The following NR1I2 variants were observed in gnomAD, a reference collection of about 807,000 sequenced individuals.
The protein encoded by NR1I2 is nuclear receptor subfamily 1 group I member 2, also known as orphan nuclear receptor PAR1.
NR1I2 carries 42 observed loss-of-function variants against 43.3 expected under a neutral mutation model. The observed-to-expected ratio is 0.97, with a 90% CI of 0.76 to 1.26. The LOEUF (loss-of-function observed/expected upper bound fraction) is 1.26, where lower values mean the gene tolerates loss of function less well. Among genes scored for constraint, NR1I2 ranks in the 50% most tolerant of loss-of-function variants. The probability of loss-of-function intolerance (pLI) is 0.00; values close to 1 mark genes in which losing one functional copy is unlikely to be tolerated. For missense variants in NR1I2, 559 were observed against 566.7 expected (o/e 0.99, Z 0.14); for synonymous variants, 229 against 215.0 (o/e 1.06, Z -0.57).
At chr3:119,798,619 G>A (rs72554014) in intron 1 of NR1I2, among the ~76,000 whole-genome samples, 10,249 of 129,118 alleles carry the variant, frequency 0.079, 799 homozygotes, top group African/African-American at 0.21. Context: ...CAGCCTGGGC[G>A]ACAAAGAGAG....
intron 1 of NR1I2, among the ~76,000 whole-genome samples, chr3:119,794,561 T>A (rs922316484): frequency 1.3e-5 from 2 of 149,194 alleles, no homozygotes; most frequent in Non-Finnish European, 3.0e-5. Flanking sequence ...CTCCTCACAA[T>A]TGATCCTTCC....
rs2055357469 is a variant in NR1I2, at chr3:119,818,273, C to T, written c.*1061C>T. 2 of 985,364 alleles carry T rather than the reference C, an allele frequency of 2.0e-6. No homozygotes were observed. The highest frequency in any genetic ancestry group is 4.7e-5 in the South Asian group (1 of 21,282). 61.0% of individuals were successfully genotyped at this position (985,364 alleles called of 1,614,324 possible). A position where few individuals can be genotyped will look rare whatever the true frequency, so the allele number is the denominator to read the frequency against. On this transcript the variant is annotated 3_prime_UTR_variant, in exon 9 of 9. Coordinates refer to ENST00000393716, the MANE Select transcript of NR1I2 (RefSeq NM_003889.4). ...CCGGAGAAGAACCATTTACATGCACCTTATATTTCTGTGTACACATCTATT... is the reference window on the plus strand; with the variant it reads ...CCGGAGAAGAACCATTTACATGCACTTTATATTTCTGTGTACACATCTATT...
chr3:119,814,352 C>T (rs1320382500), intron 5 of NR1I2, among the ~76,000 whole-genome samples: 1 of 152,190 alleles, frequency 6.6e-6, no homozygotes, highest in African/African-American at 2.4e-5. Context: ...AAGCCGCCTC[C>T]ATGGTTAGGC....
chr3:119,791,265 T>C (rs897368921), intron 1 of NR1I2, among the ~76,000 whole-genome samples: 2 of 152,176 alleles, frequency 1.3e-5, no homozygotes, highest in Non-Finnish European at 2.9e-5. Context: ...GGACCTTTGC[T>C]TGGGCACCAG....
At chr3:119,809,553 G>T (rs1211342408) in intron 2 of NR1I2, among the ~76,000 whole-genome samples, 1 of 130,582 alleles carries the variant, frequency 7.7e-6, no homozygotes, top group Non-Finnish European at 1.6e-5. Context: ...GGGGTGGGGG[G>T]AAGGCGGGGG....
chr3:119,792,736 G>A (rs752782401), intron 1 of NR1I2, among the ~76,000 whole-genome samples: 1 of 152,080 alleles, frequency 6.6e-6, no homozygotes, highest in South Asian at 2.1e-4. Flanking sequence ...TTAGCTGGAC[G>A]TGGTGGCATG....
intron 7 of NR1I2, 49 bp downstream of exon 7, chr3:119,815,488 C>A: frequency 6.8e-7 from 1 of 1,467,628 alleles, no homozygotes; most frequent in East Asian, 2.3e-5. Context: ...CCTTATCTGC[C>A]CTCCCCAGGG....
At chr3:119,799,742 G>A (rs2055051029) in intron 1 of NR1I2, among the ~76,000 whole-genome samples, 1 of 152,170 alleles carries the variant, frequency 6.6e-6, no homozygotes, top group African/African-American at 2.4e-5. Flanking sequence ...CATTTTGGGA[G>A]GCTGAGGGGC....
At chr3:119,801,928 G>C (rs2055087317) in intron 1 of NR1I2, among the ~76,000 whole-genome samples, 1 of 152,210 alleles carries the variant, frequency 6.6e-6, no homozygotes, top group African/African-American at 2.4e-5. Flanking sequence ...GTCTCTTTGG[G>C]TGGTCACTGA....
intron 1 of NR1I2, among the ~76,000 whole-genome samples, chr3:119,804,704 C>T (rs1286491628): frequency 1.3e-5 from 2 of 152,036 alleles, no homozygotes; most frequent in African/African-American, 4.8e-5. Flanking sequence ...CCTCTGCCTC[C>T]CAAAGTGCTG....
rs201488139 is a variant in NR1I2, at chr3:119,810,172, G to A, written c.309G>A (p.Leu103=). Residue 103 remains leucine (L), a synonymous_variant, in exon 3 of 9, where the codon CTG becomes CTA. Transcript: ENST00000393716. ...AGGCCTGCCGCCTGCGCAAGTGCCT[G>A]GAGAGCGGCATGAAGAAGGAGAGTG... 2.6e-5 allele frequency: 42 copies of A among 1,610,972 alleles called. No individual in the cohort carries two copies. In the Admixed American group the frequency reaches 3.0e-4, roughly 12 times the overall value.
At position 119,815,220 on chromosome 3, in the gene NR1I2, G is replaced by A. The variant is rs544037371; in HGVS notation, c.937+99G>A. On this transcript the variant is annotated intron_variant, in intron 6 of 8. Coordinates refer to ENST00000393716, the MANE Select transcript of NR1I2 (RefSeq NM_003889.4). ...AGGATATGCAGGTTCTGGGATGGCA[G>A]GGCAGGAAGATGGAATGGTGGAAAA... The A allele has an allele frequency of 6.2e-4, 987 of 1,587,256 alleles. 2 individuals are homozygous for A. The highest frequency in any genetic ancestry group is 2.3e-3 in the South Asian group (212 of 90,526).
chr3:119,811,842 G>A (rs549855649), intron 4 of NR1I2, 116 bp downstream of exon 4: 2 of 983,124 alleles, frequency 2.0e-6, no homozygotes, highest in East Asian at 2.6e-5. Flanking sequence ...CAGTGGTGGA[G>A]GGTAGATTTG....
chr3:119,783,925 C>T (rs2054811353), intron 1 of NR1I2, among the ~76,000 whole-genome samples: 1 of 152,184 alleles, frequency 6.6e-6, no homozygotes, highest in South Asian at 2.1e-4. Flanking sequence ...TTTATTTTAA[C>T]TGCTACGTCA....
At chr3:119,815,504 C>G (rs892668928) in intron 7 of NR1I2, 65 bp downstream of exon 7, 3 of 1,365,918 alleles carry the variant, frequency 2.2e-6, no homozygotes, top group Non-Finnish European at 2.1e-6. Context: ...CAGGGAAGGT[C>G]CCAGTCTATG....
intron 1 of NR1I2, among the ~76,000 whole-genome samples, chr3:119,783,648 A>G (rs747871039): frequency 7.2e-5 from 11 of 152,268 alleles, no homozygotes; most frequent in Non-Finnish European, 1.3e-4. Context: ...ATTATAAAGT[A>G]ATACATGATT....
At chr3:119,817,036 C>T (rs1156604491) in intron 8 of NR1I2, 32 bp from the exon 9 acceptor site, 3 of 1,613,952 alleles carry the variant, frequency 1.9e-6, no homozygotes, top group Non-Finnish European at 1.7e-6. Flanking sequence ...GGGCGGGCTG[C>T]ACCCACAATC....
In NR1I2 at chr3:119,812,706, T is replaced by C; in HGVS notation, c.540T>C (p.Ser180=). The C allele has an allele frequency of 6.2e-7, 1 of 1,614,080 alleles. No individual in the cohort carries two copies. Among genetic ancestry groups the C allele is most frequent in the Non-Finnish European group, 8.5e-7 (1 of 1,180,024 alleles). Residue 180 remains serine, a synonymous_variant, in exon 5 of 9, where the codon AGT becomes AGC. Coordinates refer to ENST00000393716, the MANE Select transcript of NR1I2 (RefSeq NM_003889.4). ...CCTAGCTGCCAGGGGTGCTTAGCAG[T>C]GGCTGCGAGTTGCCAGAGTCTCTGC...
In NR1I2 at chr3:119,817,469, C is replaced by T; in HGVS notation, c.*257C>T. ...GAGTGCACTGACCTGTAGGTCAGGA[C>T]CATCAGAGAGGCAAGGTTGCCCTTT... On this transcript the variant is annotated 3_prime_UTR_variant, in exon 9 of 9. Transcript: ENST00000393716. 1 of 1,350,358 alleles carries T rather than the reference C, an allele frequency of 7.4e-7. No individual in the cohort carries two copies. The highest frequency in any genetic ancestry group is 9.6e-7 in the Non-Finnish European group (1 of 1,045,168). 83.6% of individuals were successfully genotyped at this position (1,350,358 alleles called of 1,614,324 possible).
Sources: allele counts gnomAD v4.1 joint callset (sites outside exome capture counted in the v4.1 genomes callset), GRCh38; gene constraint gnomAD v4.1.1; transcripts MANE v1.5; gene names NCBI Gene and HGNC (gene_info 2026-07-23, HGNC 2026-07-21).